GOLPH3: variants seen among roughly 807,000 people sequenced by gnomAD.
GOLPH3 encodes golgi phosphoprotein 3.
In GOLPH3, 14 loss-of-function variants were observed where a neutral mutation model predicts 28.5. That is an observed-to-expected ratio of 0.49 (90% confidence interval 0.32 to 0.77). The LOEUF is 0.77. GOLPH3 is among the 30% of genes least tolerant of loss of function. The probability of loss-of-function intolerance (pLI) is 0.03; values close to 1 mark genes in which losing one functional copy is unlikely to be tolerated. For missense variants in GOLPH3, 350 were observed against 393.7 expected (o/e 0.89, Z 0.94); for synonymous variants, 158 against 159.2 (o/e 0.99, Z 0.06).
intron 1 of GOLPH3, among the ~76,000 whole-genome samples, chr5:32,155,792 T>C (rs1289762164): frequency 2.1e-5 from 2 of 94,392 alleles, no homozygotes; most frequent in Non-Finnish European, 2.7e-5. Context: ...ACCCTGTCTC[T>C]ACTAAAAATA....
chr5:32,145,699 A>G (rs1319921299), intron 1 of GOLPH3, among the ~76,000 whole-genome samples: 1 of 152,216 alleles, frequency 6.6e-6, no homozygotes, highest in Non-Finnish European at 1.5e-5. Flanking sequence ...AATTGCTCCT[A>G]GAGTAATGGC....
intron 3 of GOLPH3, among the ~76,000 whole-genome samples, chr5:32,128,342 C>T (rs1313871467): frequency 6.6e-6 from 1 of 152,158 alleles, no homozygotes; most frequent in Non-Finnish European, 1.5e-5. Flanking sequence ...AGAGTATAGA[C>T]CACCCTAGAC....
chr5:32,159,676 G>A (rs1357021462), intron 1 of GOLPH3, among the ~76,000 whole-genome samples: 1 of 152,184 alleles, frequency 6.6e-6, no homozygotes, highest in Non-Finnish European at 1.5e-5. Flanking sequence ...TCTTCTGTAA[G>A]AAACACGAAG....
At chr5:32,137,872 T>C (rs1426699621) in intron 2 of GOLPH3, among the ~76,000 whole-genome samples, 1 of 151,446 alleles carries the variant, frequency 6.6e-6, no homozygotes, top group Non-Finnish European at 1.5e-5. Context: ...ATGTTAGCTA[T>C]TTAAATGTCA....
chr5:32,167,760 A>G (rs1746748405), intron 1 of GOLPH3, among the ~76,000 whole-genome samples: 1 of 150,478 alleles, frequency 6.6e-6, no homozygotes, highest in Admixed American at 6.6e-5. Flanking sequence ...AGACTAGGCA[A>G]CATAGTGAGA....
At chr5:32,134,013 G>A (rs146026427) in intron 3 of GOLPH3, among the ~76,000 whole-genome samples, 2 of 152,146 alleles carry the variant, frequency 1.3e-5, no homozygotes, top group African/African-American at 4.8e-5. Flanking sequence ...CTTGCCTTAA[G>A]TGTAAAGTGC....
intron 1 of GOLPH3, among the ~76,000 whole-genome samples, chr5:32,152,937 CAT>C (rs1397487907): frequency 6.6e-6 from 1 of 152,120 alleles, no homozygotes; most frequent in African/African-American, 2.4e-5. Flanking sequence ...AAAAATCACA[CAT>C]AGATTTACCC....
intron 2 of GOLPH3, among the ~76,000 whole-genome samples, chr5:32,143,070 G>A (rs1428046285): frequency 6.6e-6 from 1 of 152,202 alleles, no homozygotes; most frequent in Non-Finnish European, 1.5e-5. Context: ...GTAGAAAGAG[G>A]TAGACATGGG....
At chr5:32,129,982 C>T (rs1745789445) in intron 3 of GOLPH3, among the ~76,000 whole-genome samples, 1 of 152,156 alleles carries the variant, frequency 6.6e-6, no homozygotes, top group Admixed American at 6.5e-5. Flanking sequence ...GCTGGGACTA[C>T]AGGCACCTGC....
intron 1 of GOLPH3, among the ~76,000 whole-genome samples, chr5:32,146,408 G>C: frequency 6.6e-6 from 1 of 152,168 alleles, no homozygotes; most frequent in Non-Finnish European, 1.5e-5. Flanking sequence ...GGAGAGGACA[G>C]AGACACCCCA....
chr5:32,154,955 C>A (rs533136750), intron 1 of GOLPH3, among the ~76,000 whole-genome samples: 2 of 152,182 alleles, frequency 1.3e-5, no homozygotes, highest in African/African-American at 4.8e-5. Flanking sequence ...TGGTGGCATG[C>A]GCCTGTAATC....
At chr5:32,173,782 C>A in intron 1 of GOLPH3, 28 bp downstream of exon 1, 1 of 1,331,636 alleles carries the variant, frequency 7.5e-7, no homozygotes, top group Non-Finnish European at 9.6e-7. Context: ...CGCGCCGCCG[C>A]CCCCCGCCCA....
At chr5:32,128,556 G>A (rs545888983) in intron 3 of GOLPH3, among the ~76,000 whole-genome samples, 30 of 152,192 alleles carry the variant, frequency 2.0e-4, no homozygotes, top group African/African-American at 6.0e-4. Context: ...CTACTCGGAC[G>A]GCTGAGGCAG....
intron 1 of GOLPH3, among the ~76,000 whole-genome samples, chr5:32,167,327 A>G (rs1746739316): frequency 6.6e-6 from 1 of 151,984 alleles, no homozygotes; most frequent in African/African-American, 2.4e-5. Flanking sequence ...GCTCGCCACC[A>G]TGTCTGGCTA....
intron 3 of GOLPH3, among the ~76,000 whole-genome samples, chr5:32,129,927 C>T (rs879293534): frequency 1.3e-5 from 2 of 152,016 alleles, no homozygotes; most frequent in African/African-American, 2.4e-5. Flanking sequence ...CTGCAAGCTC[C>T]GCCTCCTGGG....
chr5:32,148,561 GC>G (rs2111865152), intron 1 of GOLPH3, among the ~76,000 whole-genome samples: 1 of 152,306 alleles, frequency 6.6e-6, no homozygotes, highest in African/African-American at 2.4e-5. Flanking sequence ...ACTTTGGGAG[GC>G]CAAGGTGGGC....
At chr5:32,157,837 C>T (rs1353396747) in intron 1 of GOLPH3, among the ~76,000 whole-genome samples, 1 of 151,736 alleles carries the variant, frequency 6.6e-6, no homozygotes, top group African/African-American at 2.4e-5. Flanking sequence ...ATTAGCCGGG[C>T]ATGGTGGTGC....
chr5:32,152,408 A>G (rs1216189807), intron 1 of GOLPH3, among the ~76,000 whole-genome samples: 1 of 141,780 alleles, frequency 7.1e-6, no homozygotes, highest in Non-Finnish European at 1.5e-5. Flanking sequence ...TACAGGTATG[A>G]GCCACCGCGC....
intron 1 of GOLPH3, among the ~76,000 whole-genome samples, chr5:32,161,986 A>C (rs538869676): frequency 0.011 from 1,612 of 150,290 alleles, 22 homozygotes; most frequent in Non-Finnish European, 0.017. Flanking sequence ...GAGATCGCAC[A>C]ACTGCACTCC....
Sources: gnomAD v4.1 joint callset for allele counts (sites outside exome capture counted in the v4.1 genomes callset) on GRCh38, gnomAD v4.1.1 for gene constraint, MANE v1.5 for transcripts, NCBI Gene and HGNC (gene_info 2026-07-23, HGNC 2026-07-21) for gene names.